The following SLC22A23 variants were observed in gnomAD, a reference collection of about 807,000 sequenced individuals.
The protein encoded by SLC22A23 is solute carrier family 22 member 23.
In SLC22A23, 26 loss-of-function variants were observed where a neutral mutation model predicts 61.0. That is an observed-to-expected ratio of 0.43 (90% CI 0.31 to 0.59). The LOEUF (loss-of-function observed/expected upper bound fraction) is 0.59. SLC22A23 is among the 20% of genes least tolerant of loss of function. The pLI, the probability that SLC22A23 is intolerant of heterozygous loss-of-function variation, is 0.11. For missense variants in SLC22A23, 796 were observed against 934.7 expected (o/e 0.85, Z 1.94); for synonymous variants, 430 against 413.9 (o/e 1.04, Z -0.47).
intron 1 of SLC22A23, among the ~76,000 whole-genome samples, chr6:3,419,453 G>A (rs569908036): frequency 6.6e-6 from 1 of 152,180 alleles, no homozygotes; most frequent in South Asian, 2.1e-4. Context: ...TGCCAATCAG[G>A]TGCACACCCC....
At chr6:3,325,061 T>G (rs1763196839) in intron 3 of SLC22A23, among the ~76,000 whole-genome samples, 1 of 152,218 alleles carries the variant, frequency 6.6e-6, no homozygotes, top group African/African-American at 2.4e-5. Flanking sequence ...TCTAAAGGCT[T>G]CTTGCTTGCT....
intron 1 of SLC22A23, chr6:3,439,309 G>A: frequency 2.2e-6 from 1 of 451,736 alleles, no homozygotes; most frequent in Middle Eastern, 3.3e-4. Context: ...CGTGGAAAGT[G>A]TCCAGAGAAC....
chr6:3,282,348 T>A (rs934083559), intron 9 of SLC22A23: 2 of 701,810 alleles, frequency 2.8e-6, no homozygotes, highest in Non-Finnish European at 5.2e-6. Flanking sequence ...CAGGATGAGT[T>A]CCTTGTGCTT....
intron 3 of SLC22A23, among the ~76,000 whole-genome samples, chr6:3,331,055 C>G (rs1339499456): frequency 6.6e-6 from 1 of 152,188 alleles, no homozygotes; most frequent in African/African-American, 2.4e-5. Context: ...TTCATTTAAT[C>G]TGCACAATGA....
intron 6 of SLC22A23, among the ~76,000 whole-genome samples, chr6:3,288,564 C>T (rs190505473): frequency 2.6e-4 from 40 of 152,370 alleles, no homozygotes; most frequent in Admixed American, 7.8e-4. Flanking sequence ...AATGAAGTCT[C>T]CCCTGACCAC....
intron 3 of SLC22A23, among the ~76,000 whole-genome samples, chr6:3,368,709 C>T (rs1419219392): frequency 1.3e-5 from 2 of 152,104 alleles, no homozygotes; most frequent in Non-Finnish European, 2.9e-5. Context: ...GAATCATTAG[C>T]TGTGAAAGGG....
intron 3 of SLC22A23, among the ~76,000 whole-genome samples, chr6:3,326,303 C>T (rs1013725594): frequency 1.3e-5 from 2 of 152,190 alleles, no homozygotes; most frequent in Admixed American, 6.5e-5. Context: ...GTCGGCGTGG[C>T]CCCTAACCCT....
intron 1 of SLC22A23, among the ~76,000 whole-genome samples, chr6:3,422,162 A>G (rs1480973843): frequency 6.6e-6 from 1 of 152,228 alleles, no homozygotes; most frequent in East Asian, 1.9e-4. Context: ...CAAAAGCTTA[A>G]GTAAAACAAA....
At position 3,333,576 on chromosome 6, in the gene SLC22A23, G is replaced by A. The variant is rs560175797; in HGVS notation, c.914-9574C>T. 1.3e-5 allele frequency among the ~76,000 whole-genome samples: 2 copies of A among 152,276 alleles called. No homozygotes were observed. Among genetic ancestry groups the A allele is most frequent in the Non-Finnish European group, 2.9e-5 (2 of 68,026 alleles). On this transcript the variant is annotated intron_variant, in intron 3 of 9. Coordinates refer to ENST00000406686, the MANE Select transcript of SLC22A23 (RefSeq NM_015482.2). The surrounding 1 kb of genome is among the most constrained non-coding windows in gnomAD (Gnocchi z 4.1). ...CCCCGTCTGTCCTCCCCAGGGAGTT[G>A]CATATCTCCCTCCTCCTTTTCTCAG...
intron 9 of SLC22A23, chr6:3,282,257 G>T (rs182489930): frequency 1.4e-6 from 1 of 702,540 alleles, no homozygotes; most frequent in African/African-American, 1.7e-5. Flanking sequence ...GCCTGCGGTC[G>T]GCCTGAGGTA....
intron 1 of SLC22A23, among the ~76,000 whole-genome samples, chr6:3,439,657 T>A (rs1160879424): frequency 6.6e-6 from 1 of 152,200 alleles, no homozygotes; most frequent in Non-Finnish European, 1.5e-5. Flanking sequence ...AATTAAGCCA[T>A]CCAACCTCAC....
intron 1 of SLC22A23, among the ~76,000 whole-genome samples, chr6:3,450,556 C>T (rs1322167032): frequency 3.3e-5 from 5 of 152,222 alleles, no homozygotes; most frequent in Non-Finnish European, 5.9e-5. Flanking sequence ...CCGCCCGCCT[C>T]GGCCTCCCAA....
intron 3 of SLC22A23, among the ~76,000 whole-genome samples, chr6:3,358,598 A>G (rs1765253967): frequency 6.6e-6 from 1 of 152,180 alleles, no homozygotes; most frequent in Non-Finnish European, 1.5e-5. Flanking sequence ...TTGCTCGTCA[A>G]CTAGCATCAG....
At chr6:3,379,763 A>G (rs879625783) in intron 3 of SLC22A23, among the ~76,000 whole-genome samples, 1 of 152,120 alleles carries the variant, frequency 6.6e-6, no homozygotes, top group Admixed American at 6.6e-5. Flanking sequence ...ATTCAAACAG[A>G]AGTCATGCAG....
chr6:3,453,824 G>C (rs1187855248), intron 1 of SLC22A23, among the ~76,000 whole-genome samples: 1 of 152,144 alleles, frequency 6.6e-6, no homozygotes, highest in Non-Finnish European at 1.5e-5. Flanking sequence ...TCCACTTTCT[G>C]CTTCTACTTG....
intron 3 of SLC22A23, among the ~76,000 whole-genome samples, chr6:3,402,739 G>C (rs1169856324): frequency 6.6e-6 from 1 of 152,240 alleles, no homozygotes; most frequent in Non-Finnish European, 1.5e-5. Flanking sequence ...CCAGCAGGGT[G>C]TGTCTCTGCC....
chr6:3,409,658 T>C (rs1202439583), intron 3 of SLC22A23, among the ~76,000 whole-genome samples: 6 of 152,212 alleles, frequency 3.9e-5, no homozygotes, highest in East Asian at 1.9e-4. Flanking sequence ...GCAGAGTTAA[T>C]ACAGCCAACA....
intron 1 of SLC22A23, among the ~76,000 whole-genome samples, chr6:3,450,416 C>T (rs770029758): frequency 7.9e-5 from 12 of 152,184 alleles, no homozygotes; most frequent in Non-Finnish European, 1.5e-4. Context: ...AAGCGATTCT[C>T]CTACCTCAGC....
intron 3 of SLC22A23, among the ~76,000 whole-genome samples, chr6:3,352,739 G>A (rs75614741): frequency 0.034 from 5,124 of 152,190 alleles, 312 homozygotes; most frequent in African/African-American, 0.12. Context: ...AAATGGTGTC[G>A]CTTACAGGTG....
Sources: allele counts gnomAD v4.1 joint callset (sites outside exome capture counted in the v4.1 genomes callset), GRCh38; gene constraint gnomAD v4.1.1; non-coding constraint Gnocchi (gnomAD v3.1); transcripts MANE v1.5; gene names NCBI Gene and HGNC (gene_info 2026-07-23, HGNC 2026-07-21).